The following STARD3NL variants were observed in gnomAD, a reference collection of about 807,000 sequenced individuals.
STARD3NL encodes STARD3 N-terminal-like protein.
In STARD3NL, 17 loss-of-function variants were observed where a neutral mutation model predicts 30.9. The observed-to-expected ratio is 0.55, with a 90% CI of 0.38 to 0.82. STARD3NL has a LOEUF of 0.82. Ranked by LOEUF, STARD3NL falls within the 40% of genes least tolerant of loss-of-function variation. The pLI is 0.00. For missense variants in STARD3NL, 234 were observed against 277.6 expected, an observed-to-expected ratio of 0.84 and a Z score of 1.12; for synonymous variants, 112 against 100.5, an observed-to-expected ratio of 1.11 and a Z score of -0.69.
chr7:38,182,131 G>T (rs1249162222), intron 1 of STARD3NL, among the ~76,000 whole-genome samples: 2 of 152,132 alleles, frequency 1.3e-5, no homozygotes, highest in Non-Finnish European at 2.9e-5. Flanking sequence ...TAAAAAACTT[G>T]ACAATTTGTG....
chr7:38,215,592 A>C (rs1786060748), intron 4 of STARD3NL: 1 of 154,834 alleles, frequency 6.5e-6, no homozygotes, highest in Non-Finnish European at 1.4e-5. Context: ...CTTCTCAAGG[A>C]CAAGGACTTT....
At chr7:38,226,954 A>G (rs1173913549) in intron 7 of STARD3NL, among the ~76,000 whole-genome samples, 2 of 152,204 alleles carry the variant, frequency 1.3e-5, no homozygotes, top group Non-Finnish European at 2.9e-5. Context: ...CACAACTGCT[A>G]TTCCCTGAAT....
chr7:38,214,347 T>C lies in STARD3NL; in HGVS notation c.226-10T>C. On this transcript the variant is annotated splice_polypyrimidine_tract_variant and intron_variant, in intron 2 of 8. Transcript: ENST00000009041. ...CTCTCCTTGTTTTTGCTTCTTACTCTCCTTTCTAGGTGAATGGAGGCATTG... is the reference window on the plus strand; with the variant it reads ...CTCTCCTTGTTTTTGCTTCTTACTCCCCTTTCTAGGTGAATGGAGGCATTG... 2 of 1,583,320 alleles carry C rather than the reference T, an allele frequency of 1.3e-6. No homozygotes were observed. The highest frequency in any genetic ancestry group is 1.7e-6 in the Non-Finnish European group (2 of 1,158,420).
chr7:38,201,433 G>A (rs1232859046), intron 1 of STARD3NL, among the ~76,000 whole-genome samples: 2 of 151,886 alleles, frequency 1.3e-5, no homozygotes, highest in Non-Finnish European at 2.9e-5. Context: ...GTGGGTTTGT[G>A]GAAGGAAAAA....
intron 1 of STARD3NL, among the ~76,000 whole-genome samples, chr7:38,186,472 C>T (rs1343862333): frequency 6.6e-6 from 1 of 152,092 alleles, no homozygotes; most frequent in Non-Finnish European, 1.5e-5. Flanking sequence ...GCTCTATGAC[C>T]TGGAAGATTA....
chr7:38,188,393 CCT>C (rs1784549260), intron 1 of STARD3NL, among the ~76,000 whole-genome samples: 1 of 152,212 alleles, frequency 6.6e-6, no homozygotes, highest in Non-Finnish European at 1.5e-5. Context: ...TCCCTTATCT[CCT>C]AGTCGTTGCT....
intron 7 of STARD3NL, among the ~76,000 whole-genome samples, chr7:38,226,900 G>A (rs1264441466): frequency 1.3e-5 from 2 of 152,202 alleles, no homozygotes; most frequent in Non-Finnish European, 2.9e-5. Context: ...CATTGAGCTG[G>A]GTACTGGGAG....
chr7:38,216,154 T>C (rs1444770173), intron 4 of STARD3NL: 1 of 152,220 alleles, frequency 6.6e-6, no homozygotes, highest in African/African-American at 2.4e-5. Context: ...ATATGTATGC[T>C]AGTATTTGTC....
intron 7 of STARD3NL, among the ~76,000 whole-genome samples, chr7:38,225,847 G>T (rs1035842465): frequency 8.5e-5 from 13 of 152,128 alleles, no homozygotes; most frequent in African/African-American, 2.9e-4. Context: ...GCTTTCAGCA[G>T]GTTGACACGG....
intron 4 of STARD3NL, 161 bp downstream of exon 4, chr7:38,215,266 C>A: frequency 1.7e-6 from 1 of 604,734 alleles, no homozygotes; most frequent in Non-Finnish European, 2.9e-6. Flanking sequence ...GTTTAATACT[C>A]CAGGGCTTCT....
At chr7:38,201,008 A>T (rs1313934930) in intron 1 of STARD3NL, among the ~76,000 whole-genome samples, 1 of 152,212 alleles carries the variant, frequency 6.6e-6, no homozygotes, top group East Asian at 1.9e-4. Flanking sequence ...TCACTCAAAA[A>T]ATTAATTCTA....
intron 1 of STARD3NL, among the ~76,000 whole-genome samples, chr7:38,187,634 G>GTT (rs34293584): frequency 6.0e-5 from 9 of 150,752 alleles, no homozygotes; most frequent in Middle Eastern, 3.4e-3. Flanking sequence ...CAATTTATTA[G>GTT]TTTTTTTTTC....
intron 1 of STARD3NL, among the ~76,000 whole-genome samples, chr7:38,197,136 T>TTTTCTCTC: frequency 8.9e-6 from 1 of 112,276 alleles, no homozygotes; most frequent in African/African-American, 3.4e-5. Flanking sequence ...GCATTACCTT[T>TTTTCTCTC]TTTCTTTCTT....
rs145658466 is a variant in STARD3NL, at chr7:38,222,108, T to C, written c.649+2448T>C. On this transcript the variant is annotated intron_variant, in intron 7 of 8. Coordinates refer to ENST00000009041, the MANE Select transcript of STARD3NL (RefSeq NM_032016.4). The stretch of plus-strand genomic sequence containing the variant: ...TAAACTTGAGTTAGAGACTACATCA[T>C]TGTATTCCCTACATTAGGCCTAGTT... 2.5e-3 allele frequency among the ~76,000 whole-genome samples: 375 copies of C among 151,020 alleles called. 3 individuals are homozygous for C. Among genetic ancestry groups the C allele is most frequent in the African/African-American group, 8.7e-3 (356 of 41,148 alleles).
rs564830321 is a variant in STARD3NL, at chr7:38,211,935, C to G, written c.226-2422C>G. ...TATTCAAAATGTGACCACTTCTCTTCTTTTCCACTGTTTCTCCTTTTCCAC... is the reference window on the plus strand; with the variant it reads ...TATTCAAAATGTGACCACTTCTCTTGTTTTCCACTGTTTCTCCTTTTCCAC... On this transcript the variant is annotated intron_variant, in intron 2 of 8. Transcript: ENST00000009041. 2.0e-4 allele frequency among the ~76,000 whole-genome samples: 31 copies of G among 152,312 alleles called. No individual in the cohort carries two copies. In the South Asian group the frequency reaches 4.8e-3, roughly 23 times the overall value.
chr7:38,218,810 CTTTT>C (rs1057443720), intron 6 of STARD3NL, among the ~76,000 whole-genome samples: 3 of 152,082 alleles, frequency 2.0e-5, no homozygotes, highest in African/African-American at 4.8e-5. Flanking sequence ...CTTTTCTTTG[CTTTT>C]TTAAGACACT....
intron 8 of STARD3NL, 23 bp downstream of exon 8, chr7:38,228,894 TAAC>T (rs1186743386): frequency 3.9e-6 from 6 of 1,554,398 alleles, no homozygotes; most frequent in Non-Finnish European, 5.3e-6. Context: ...AATGAAACCA[TAAC>T]AACAAAGTAG....
At position 38,207,715 on chromosome 7, in the gene STARD3NL, A is replaced by G; in HGVS notation, c.211A>G (p.Ile71Val). 6.2e-7 allele frequency: 1 copy of G among 1,613,906 alleles called. No homozygotes were observed. The highest frequency in any genetic ancestry group is 8.5e-7 in the Non-Finnish European group (1 of 1,179,868). ...FDLLFVTLLW[I>V]IELNVNGGIE... ...CCTCTTATTCGTAACATTACTGTGG[A>G]TAATAGAGTTAAATGTAAGTTGGTG... Residue 71 changes from isoleucine (I) to valine (V), a missense_variant, in exon 2 of 9, where the codon ATA becomes GTA. Coordinates refer to ENST00000009041, the MANE Select transcript of STARD3NL (RefSeq NM_032016.4).
rs1258792950 is a variant in STARD3NL, at chr7:38,204,734, G to A, written c.-58-2713G>A. On this transcript the variant is annotated intron_variant, in intron 1 of 8. Transcript: ENST00000009041. ...AAAAGATCAACAAAATTGATAGACC[G>A]CTAGCAAGACTAATAAAGAAGAAAA... Among the ~76,000 whole-genome samples the A allele has an allele frequency of 1.2e-4, 18 of 151,866 alleles. No homozygotes were observed. In the East Asian group the frequency reaches 2.5e-3, roughly 21 times the overall value.
Sources: allele counts gnomAD v4.1 joint callset (sites outside exome capture counted in the v4.1 genomes callset), GRCh38; gene constraint gnomAD v4.1.1; transcripts MANE v1.5; gene names NCBI Gene and HGNC (gene_info 2026-07-23, HGNC 2026-07-21).